SGMS1: variants seen among roughly 807,000 people sequenced by gnomAD.
SGMS1 encodes phosphatidylcholine:ceramide cholinephosphotransferase 1.
A neutral mutation model predicts 46.2 loss-of-function variants in SGMS1; 13 were observed. The ratio of observed to expected loss-of-function variants is 0.28; its 90% CI spans 0.18 to 0.45. The LOEUF (loss-of-function observed/expected upper bound fraction) is 0.45. Ranked by LOEUF, SGMS1 falls within the 20% of genes least tolerant of loss-of-function variation. The pLI is 1.00. For missense variants in SGMS1, 324 were observed against 519.9 expected (o/e 0.62, Z 3.66); for synonymous variants, 203 against 187.8 (o/e 1.08, Z -0.66).
At chr10:50,623,547 G>A (rs886411159) in intron 1 of SGMS1, 160 bp downstream of exon 1, 54 of 979,790 alleles carry the variant, frequency 5.5e-5, no homozygotes, top group Admixed American at 1.2e-4. Context: ...AGGACTGCCC[G>A]CCAGGTACGC....
chr10:50,462,835 C>A (rs192332276), intron 4 of SGMS1, among the ~76,000 whole-genome samples: 1 of 152,158 alleles, frequency 6.6e-6, no homozygotes, highest in East Asian at 1.9e-4. Flanking sequence ...ACTGTGGAGT[C>A]GAGCAGAGCT....
At chr10:50,617,986 G>A (rs964400351) in intron 1 of SGMS1, among the ~76,000 whole-genome samples, 4 of 151,360 alleles carry the variant, frequency 2.6e-5, no homozygotes, top group Admixed American at 1.3e-4. Flanking sequence ...CCAAAGTGCT[G>A]GCATTACAGG....
chr10:50,579,132 C>G (rs989843602), intron 2 of SGMS1, among the ~76,000 whole-genome samples: 4 of 151,606 alleles, frequency 2.6e-5, no homozygotes, highest in Non-Finnish European at 5.9e-5. Context: ...ACAATAAAAG[C>G]AATCAGAGAA....
intron 8 of SGMS1, among the ~76,000 whole-genome samples, chr10:50,316,242 G>A (rs2133286717): frequency 6.6e-6 from 1 of 152,304 alleles, no homozygotes; most frequent in South Asian, 2.1e-4. Context: ...TCATAGCTTT[G>A]ACAGCTTTGG....
At chr10:50,563,536 G>A (rs1012074178) in intron 2 of SGMS1, among the ~76,000 whole-genome samples, 3 of 151,700 alleles carry the variant, frequency 2.0e-5, no homozygotes, top group Non-Finnish European at 2.9e-5. Flanking sequence ...GAGGTCAGGA[G>A]ATCGAGACCA....
At chr10:50,381,081 A>G in intron 6 of SGMS1, among the ~76,000 whole-genome samples, 1 of 151,212 alleles carries the variant, frequency 6.6e-6, no homozygotes, top group Admixed American at 6.6e-5. Flanking sequence ...CTCCTGTCTC[A>G]GCCTCCCAAA....
In SGMS1 at chr10:50,307,874, C is replaced by G; in HGVS notation, c.1062+108G>C. 1 of 1,058,290 alleles carries G rather than the reference C, an allele frequency of 9.4e-7. No individual in the cohort carries two copies. The highest frequency in any genetic ancestry group is 1.4e-6 in the Non-Finnish European group (1 of 709,122). 65.6% of individuals were successfully genotyped at this position (1,058,290 alleles called of 1,614,324 possible). ...ACAATACAATCTTAGTTGATTACTA[C>G]TTAAGAAAGAGAAACTTCAGACATC... On this transcript the variant is annotated intron_variant, in intron 10 of 10. Transcript: ENST00000361781. The surrounding 1 kb of genome is among the most constrained non-coding windows in gnomAD (Gnocchi z 4.2).
At chr10:50,561,634 C>T (rs1441099242) in intron 2 of SGMS1, among the ~76,000 whole-genome samples, 1 of 152,194 alleles carries the variant, frequency 6.6e-6, no homozygotes, top group Admixed American at 6.5e-5. Flanking sequence ...CAGACACTCA[C>T]TTTAATGAAA....
chr10:50,601,500 C>A (rs939058797), intron 1 of SGMS1, among the ~76,000 whole-genome samples: 2 of 152,210 alleles, frequency 1.3e-5, no homozygotes, highest in Non-Finnish European at 2.9e-5. Flanking sequence ...GAACCCACTT[C>A]CACATTCTTA....
At chr10:50,599,353 T>A (rs899790939) in intron 1 of SGMS1, among the ~76,000 whole-genome samples, 5 of 152,208 alleles carry the variant, frequency 3.3e-5, no homozygotes, top group Non-Finnish European at 7.3e-5. Flanking sequence ...GCTAAGAATA[T>A]AGAATTTAAT....
intron 6 of SGMS1, among the ~76,000 whole-genome samples, chr10:50,381,958 C>T (rs1204551639): frequency 6.6e-6 from 1 of 152,182 alleles, no homozygotes; most frequent in African/African-American, 2.4e-5. Context: ...GAAAGTGGCA[C>T]TCTGGGTCTC....
intron 2 of SGMS1, among the ~76,000 whole-genome samples, chr10:50,542,368 G>A (rs879876281): frequency 7.2e-5 from 11 of 152,092 alleles, no homozygotes; most frequent in Non-Finnish European, 1.3e-4. Context: ...CTGTTTTGAA[G>A]TGTTGCCACT....
At position 50,327,178 on chromosome 10, in the gene SGMS1, G is replaced by A. The variant is rs574634890; in HGVS notation, c.741+27C>T. ...GGGCAAGACAAGAAACAAACAGAAA[G>A]CGAAATTACAGCGAGGAATAGTTTA... On this transcript the variant is annotated intron_variant, in intron 8 of 10. Transcript: ENST00000361781. 1.0e-4 allele frequency: 145 copies of A among 1,386,890 alleles called. No individual in the cohort carries two copies. The African/African-American group carries it at 1.5e-3, about 14-fold the overall frequency. 85.9% of individuals were successfully genotyped at this position (1,386,890 alleles called of 1,614,324 possible). A position where few individuals can be genotyped will look rare whatever the true frequency, so the allele number is the denominator to read the frequency against.
chr10:50,418,363 GAGCT>G (rs2133590496), intron 6 of SGMS1: 1 of 152,490 alleles, frequency 6.6e-6, no homozygotes, highest in African/African-American at 2.4e-5. Flanking sequence ...GGTCAACTGC[GAGCT>G]AGACGCCCAG....
intron 3 of SGMS1, among the ~76,000 whole-genome samples, chr10:50,515,179 C>A (rs375678217): frequency 5.3e-5 from 8 of 152,206 alleles, no homozygotes; most frequent in African/African-American, 1.9e-4. Context: ...ACCCTGCTCA[C>A]TGCAGAGGAA....
intron 6 of SGMS1, among the ~76,000 whole-genome samples, chr10:50,429,171 C>T (rs1253140490): frequency 6.6e-6 from 1 of 152,120 alleles, no homozygotes. Flanking sequence ...ATTTAAAACA[C>T]ACAAGCACAG....
At chr10:50,559,695 T>C (rs1838217117) in intron 2 of SGMS1, among the ~76,000 whole-genome samples, 1 of 152,176 alleles carries the variant, frequency 6.6e-6, no homozygotes, top group Non-Finnish European at 1.5e-5. Context: ...GTGGGAGGAA[T>C]AAAGAAGAAT....
intron 2 of SGMS1, among the ~76,000 whole-genome samples, chr10:50,560,843 G>C (rs1490274074): frequency 6.6e-6 from 1 of 152,066 alleles, no homozygotes; most frequent in African/African-American, 2.4e-5. Context: ...ACTGAGCAAA[G>C]TGAGGAAAGA....
chr10:50,426,647 T>C (rs1331908297), intron 6 of SGMS1, among the ~76,000 whole-genome samples: 1 of 150,832 alleles, frequency 6.6e-6, no homozygotes, highest in Non-Finnish European at 1.5e-5. Context: ...CCTTTTGACA[T>C]CAAAGTAGAA....
Sources: allele counts gnomAD v4.1 joint callset (sites outside exome capture counted in the v4.1 genomes callset), GRCh38; gene constraint gnomAD v4.1.1; non-coding constraint Gnocchi (gnomAD v3.1); transcripts MANE v1.5; gene names NCBI Gene and HGNC (gene_info 2026-07-23, HGNC 2026-07-21).